AGBL1: variants seen among roughly 807,000 people sequenced by gnomAD.
The protein encoded by AGBL1 is cytosolic carboxypeptidase 4.
A neutral mutation model predicts 118.9 loss-of-function variants in AGBL1; 130 were observed. That is an observed-to-expected ratio of 1.09 (90% CI 0.95 to 1.26). The LOEUF is 1.26. Among genes scored for constraint, AGBL1 ranks in the 50% most tolerant of loss-of-function variants. AGBL1 has a pLI of 0.00. For missense variants in AGBL1, 1,584 were observed against 1,298.1 expected (o/e 1.22, Z -3.38); for synonymous variants, 555 against 478.9 (o/e 1.16, Z -2.08).
intron 24 of AGBL1, among the ~76,000 whole-genome samples, chr15:87,002,576 C>A (rs972515621): frequency 7.9e-5 from 12 of 152,196 alleles, no homozygotes; most frequent in African/African-American, 2.9e-4. Flanking sequence ...GGCAGTATGG[C>A]CATTTTCACG....
At chr15:86,998,875 T>A (rs1025263213) in intron 24 of AGBL1, among the ~76,000 whole-genome samples, 1 of 151,298 alleles carries the variant, frequency 6.6e-6, no homozygotes, top group Admixed American at 6.6e-5. Flanking sequence ...ATATATTTTT[T>A]ATTATACTTT....
chr15:87,003,016 T>G (rs2081456880), intron 24 of AGBL1, among the ~76,000 whole-genome samples: 2 of 152,206 alleles, frequency 1.3e-5, no homozygotes, highest in African/African-American at 4.8e-5. Flanking sequence ...AACACTATGT[T>G]GAATAGGAGT....
chr15:86,888,741 G>C (rs144407421), intron 22 of AGBL1, among the ~76,000 whole-genome samples: 433 of 152,222 alleles, frequency 2.8e-3, no homozygotes, highest in African/African-American at 9.8e-3. Flanking sequence ...TAGCATTCAT[G>C]TCTATGTACC....
intron 18 of AGBL1, among the ~76,000 whole-genome samples, chr15:86,500,289 A>C (rs1321704749): frequency 6.6e-6 from 1 of 151,798 alleles, no homozygotes; most frequent in East Asian, 1.9e-4. Flanking sequence ...ATTAGGTTTT[A>C]GAGAACTTGC....
At chr15:86,692,830 C>G (rs565736237) in intron 22 of AGBL1, among the ~76,000 whole-genome samples, 3 of 152,108 alleles carry the variant, frequency 2.0e-5, no homozygotes, top group Non-Finnish European at 4.4e-5. Context: ...CATAGCTGAG[C>G]TTCCACTTAT....
intron 22 of AGBL1, among the ~76,000 whole-genome samples, chr15:86,699,226 A>T (rs538461417): frequency 6.6e-6 from 1 of 152,192 alleles, no homozygotes; most frequent in South Asian, 2.1e-4. Flanking sequence ...TACACAGACT[A>T]TATATACCCA....
intron 17 of AGBL1, among the ~76,000 whole-genome samples, chr15:86,362,502 G>A (rs2080819384): frequency 6.6e-6 from 1 of 152,154 alleles, no homozygotes; most frequent in Non-Finnish European, 1.5e-5. Flanking sequence ...TTTGCTTGAG[G>A]ATCCATAATT....
At chr15:86,802,836 A>T (rs1309332838) in intron 22 of AGBL1, among the ~76,000 whole-genome samples, 1 of 152,152 alleles carries the variant, frequency 6.6e-6, no homozygotes, top group East Asian at 1.9e-4. Flanking sequence ...TTTACGTTGC[A>T]ATTGTCCCTT....
At chr15:86,355,274 G>A (rs1486359552) in intron 17 of AGBL1, among the ~76,000 whole-genome samples, 1 of 152,106 alleles carries the variant, frequency 6.6e-6, no homozygotes, top group Non-Finnish European at 1.5e-5. Context: ...TTTAGTGTGG[G>A]AACATACGCA....
At chr15:86,838,952 A>AAAAAG (rs2079206579) in intron 22 of AGBL1, among the ~76,000 whole-genome samples, 1 of 147,450 alleles carries the variant, frequency 6.8e-6, no homozygotes, top group Admixed American at 6.8e-5. Flanking sequence ...AAAAAAAAAA[A>AAAAAG]AAAAAAAAAA....
At chr15:86,567,248 C>G (rs146687520) in intron 21 of AGBL1, among the ~76,000 whole-genome samples, 33 of 152,268 alleles carry the variant, frequency 2.2e-4, no homozygotes, top group African/African-American at 2.9e-4. Flanking sequence ...GGGTTGAGAA[C>G]CACAGATTTT....
At chr15:86,480,095 G>T (rs529103378) in intron 18 of AGBL1, among the ~76,000 whole-genome samples, 3 of 151,976 alleles carry the variant, frequency 2.0e-5, no homozygotes, top group Admixed American at 6.5e-5. Flanking sequence ...GTGGGGTGGG[G>T]AGAGGGGGGA....
chr15:87,031,322 T>C (rs2081780387), downstream of AGBL1, among the ~76,000 whole-genome samples: 1 of 152,052 alleles, frequency 6.6e-6, no homozygotes, highest in East Asian at 1.9e-4. Context: ...AGAAGACATA[T>C]TAACAGAAAT....
chr15:86,538,856 G>T (rs2083458307), intron 19 of AGBL1, among the ~76,000 whole-genome samples: 1 of 152,206 alleles, frequency 6.6e-6, no homozygotes, highest in Non-Finnish European at 1.5e-5. Flanking sequence ...TTGAGAGGGA[G>T]AGGGTAACCT....
In AGBL1 at chr15:86,522,877, C is replaced by T; in HGVS notation, c.2623C>T (p.Pro875Ser). The T allele has an allele frequency of 6.2e-7, 1 of 1,613,932 alleles. No homozygotes were observed. Among genetic ancestry groups the T allele is most frequent in the East Asian group, 2.2e-5 (1 of 44,870 alleles). ...QWLSPSAHLQ[P>S]TIYHAKGLLY... ...GCTTTCTCCCAGTGCTCATCTGCAGCCAACCATTTACCATGCCAAAGGCCT... is the reference window on the plus strand; with the variant it reads ...GCTTTCTCCCAGTGCTCATCTGCAGTCAACCATTTACCATGCCAAAGGCCT... Residue 875 changes from proline (P) to serine (S), a missense_variant, in exon 19 of 23, where the codon CCA becomes TCA. Coordinates refer to ENST00000614907, the MANE Select transcript of AGBL1 (RefSeq NM_001386094.1).
chr15:86,223,713 G>A (rs1025041325), intron 5 of AGBL1, among the ~76,000 whole-genome samples: 1 of 152,102 alleles, frequency 6.6e-6, no homozygotes, highest in Non-Finnish European at 1.5e-5. Flanking sequence ...TTTGCACAGG[G>A]GCCTGTGAAT....
chr15:86,248,718 A>G (rs2078760433), intron 7 of AGBL1, among the ~76,000 whole-genome samples: 2 of 152,352 alleles, frequency 1.3e-5, no homozygotes, highest in South Asian at 4.1e-4. Flanking sequence ...CCTTGATCCT[A>G]TAGGGAAAAC....
In AGBL1 at chr15:86,255,294, C is replaced by T. The variant is rs143738244; in HGVS notation, c.736-1559C>T. Among the ~76,000 whole-genome samples the T allele has an allele frequency of 8.0e-3, 1,214 of 152,240 alleles. 8 individuals carry two copies. Among genetic ancestry groups the T allele is most frequent in the Middle Eastern group, 0.041 (12 of 294 alleles). Reference sequence around the variant, plus strand: ...AAACACTTGAGACCATTTGACCAGACCAAAGGGTGAAATAGCTTCAACTGT... The same window carrying T: ...AAACACTTGAGACCATTTGACCAGATCAAAGGGTGAAATAGCTTCAACTGT... On this transcript the variant is annotated intron_variant, in intron 7 of 22. Coordinates refer to ENST00000614907, the MANE Select transcript of AGBL1 (RefSeq NM_001386094.1).
chr15:86,083,962 T>A (rs1000536810), intron 1 of AGBL1, among the ~76,000 whole-genome samples: 11 of 152,212 alleles, frequency 7.2e-5, no homozygotes, highest in African/African-American at 2.2e-4. Context: ...TAGCAAACAC[T>A]GTGTAGACTT....
Sources: allele counts gnomAD v4.1 joint callset (sites outside exome capture counted in the v4.1 genomes callset), GRCh38; gene constraint gnomAD v4.1.1; transcripts MANE v1.5; gene names NCBI Gene and HGNC (gene_info 2026-07-23, HGNC 2026-07-21).